DIXDC1: variants seen among roughly 807,000 people sequenced by gnomAD.
DIXDC1 encodes DIX domain containing 1.
DIXDC1 carries 64 observed loss-of-function variants against 103.1 expected under a neutral mutation model. The ratio of observed to expected loss-of-function variants is 0.62; its 90% CI spans 0.51 to 0.76. The LOEUF (loss-of-function observed/expected upper bound fraction) is 0.76, where lower values mean the gene tolerates loss of function less well. Ranked by LOEUF, DIXDC1 falls within the 30% of genes least tolerant of loss-of-function variation. The probability of loss-of-function intolerance (pLI) is 0.00; values close to 1 mark genes in which losing one functional copy is unlikely to be tolerated. For missense variants in DIXDC1, 759 were observed against 834.2 expected (o/e 0.91, Z 1.11); for synonymous variants, 266 against 298.5 (o/e 0.89, Z 1.12).
intron 17 of DIXDC1, among the ~76,000 whole-genome samples, chr11:112,010,195 C>T (rs1331503684): frequency 6.6e-6 from 1 of 152,130 alleles, no homozygotes; most frequent in Non-Finnish European, 1.5e-5. Flanking sequence ...AGTGAACTCC[C>T]AATCACAATT....
rs587717803 is a variant in DIXDC1 at position 112,020,290 on chromosome 11, A to C, written c.*1254A>C. ...ATATATGTATTACCAAAAGCAGTCT[A>C]TCTGCCTGTGACCTCCAATGTACAC... On this transcript the variant is annotated 3_prime_UTR_variant, in exon 20 of 20. Coordinates refer to ENST00000440460, the MANE Select transcript of DIXDC1 (RefSeq NM_001037954.4). The C allele has an allele frequency of 2.0e-5, 3 of 152,780 alleles. No homozygotes were observed. Among genetic ancestry groups the C allele is most frequent in the Non-Finnish European group, 2.9e-5 (2 of 68,046 alleles). 9.5% of individuals were successfully genotyped at this position (152,780 alleles called of 1,614,324 possible).
chr11:112,017,700 C>T lies in DIXDC1; in HGVS notation c.1863-77C>T. ...TCTGCTTATTGACTTTGGCAGGGGGCTGTGTTTAAAGTTAACATCTTATCT... is the reference window on the plus strand; with the variant it reads ...TCTGCTTATTGACTTTGGCAGGGGGTTGTGTTTAAAGTTAACATCTTATCT... On this transcript the variant is annotated intron_variant, in intron 18 of 19. Transcript: ENST00000440460. This position sits in a 1 kb window ranked among gnomAD's most constrained non-coding sequence, Gnocchi z 4.0. The T allele has an allele frequency of 8.2e-7, 1 of 1,225,648 alleles. No homozygotes were observed. The highest frequency in any genetic ancestry group is 1.2e-6 in the Non-Finnish European group (1 of 863,298). 75.9% of individuals were successfully genotyped at this position (1,225,648 alleles called of 1,614,324 possible). A position where few individuals can be genotyped will look rare whatever the true frequency, so the allele number is the denominator to read the frequency against.
At chr11:112,008,923 A>G (rs1861323742) in intron 17 of DIXDC1, among the ~76,000 whole-genome samples, 1 of 152,222 alleles carries the variant, frequency 6.6e-6, no homozygotes, top group Non-Finnish European at 1.5e-5. Context: ...AAAGAAATTC[A>G]AACGCTAGCA....
intron 2 of DIXDC1, among the ~76,000 whole-genome samples, chr11:111,968,099 G>A (rs2137518602): frequency 6.6e-6 from 1 of 152,236 alleles, no homozygotes; most frequent in Admixed American, 6.5e-5. Context: ...AGCACTTATC[G>A]CTACTATGAA....
At position 111,974,246 on chromosome 11, in the gene DIXDC1, T is replaced by C. The variant is rs1173041701; in HGVS notation, c.540T>C (p.Tyr180=). 6.8e-6 allele frequency: 11 copies of C among 1,612,456 alleles called. No individual in the cohort carries two copies. The highest frequency in any genetic ancestry group is 1.3e-5 in the African/African-American group (1 of 74,856). ...GATCAGGACGGGATGTCTTTCGATA[T>C]AGACAGAGGTAAGGGTAGAAATCTG... ...MSRSGRDVFR[Y]RQRNSSMDEE... is the part of the protein sequence containing the mutation. The change falls in exon 4 of 20, where the codon TAT becomes TAC. Residue 180 remains tyrosine, a synonymous_variant. Transcript: ENST00000440460.
chr11:111,947,684 A>G lies in DIXDC1; in HGVS notation c.60+10125A>G, dbSNP rs78042392. Reference sequence around the variant, plus strand: ...AGGCAGCAGCCTAAAGAAGGATAGTATAACCCTTCACCTGTGGATAAGACT... The same window carrying G: ...AGGCAGCAGCCTAAAGAAGGATAGTGTAACCCTTCACCTGTGGATAAGACT... On this transcript the variant is annotated intron_variant, in intron 1 of 19. Transcript: ENST00000440460. Among the ~76,000 whole-genome samples the G allele has an allele frequency of 6.8e-3, 1,042 of 152,364 alleles. 5 individuals are homozygous for G. The highest frequency in any genetic ancestry group is 0.051 in the Middle Eastern group (15 of 294).
At chr11:111,978,821 C>T (rs620183) in intron 5 of DIXDC1, among the ~76,000 whole-genome samples, 7,665 of 152,248 alleles carry the variant, frequency 0.05, 661 homozygotes, top group African/African-American at 0.17. Context: ...TCTTGCAGGC[C>T]GCTTTCTACA....
intron 5 of DIXDC1, among the ~76,000 whole-genome samples, chr11:111,979,818 A>G (rs1381562719): frequency 1.3e-5 from 2 of 152,098 alleles, no homozygotes; most frequent in African/African-American, 4.8e-5. Flanking sequence ...TTAGCTTGGC[A>G]TCATATGCAC....
chr11:111,962,714 G>A (rs983075705), intron 1 of DIXDC1, among the ~76,000 whole-genome samples: 14 of 152,180 alleles, frequency 9.2e-5, no homozygotes, highest in Non-Finnish European at 2.1e-4. Context: ...AATGTGTGGA[G>A]GGTGGGTTGA....
chr11:111,979,594 C>A (rs782761499), intron 5 of DIXDC1, among the ~76,000 whole-genome samples: 1 of 152,158 alleles, frequency 6.6e-6, no homozygotes, highest in African/African-American at 2.4e-5. Context: ...TGTAGATTTG[C>A]TGTTTTTTTG....
chr11:112,012,122 C>T (rs987421309), intron 17 of DIXDC1, among the ~76,000 whole-genome samples: 1 of 152,134 alleles, frequency 6.6e-6, no homozygotes, highest in Non-Finnish European at 1.5e-5. Context: ...GTTAAGATGG[C>T]CTATTCTTCC....
At chr11:111,975,065 C>G in intron 5 of DIXDC1, 82 bp downstream of exon 5, 1 of 1,543,114 alleles carries the variant, frequency 6.5e-7, no homozygotes, top group South Asian at 1.2e-5. Flanking sequence ...AGCAAAAAGG[C>G]ACCTAAGCCC....
chr11:111,989,813 G>A (rs1860636030), intron 10 of DIXDC1, among the ~76,000 whole-genome samples: 6 of 149,812 alleles, frequency 4.0e-5, no homozygotes. Context: ...TTTTGAAACG[G>A]AGTCTCGCTC....
chr11:111,967,165 G>C (rs1211221617), intron 2 of DIXDC1, among the ~76,000 whole-genome samples: 1 of 151,952 alleles, frequency 6.6e-6, no homozygotes, highest in Non-Finnish European at 1.5e-5. Context: ...TCCCAAATTT[G>C]TATCTTTAGG....
chr11:112,007,099 G>A (rs1461459869), intron 17 of DIXDC1, among the ~76,000 whole-genome samples: 4 of 152,206 alleles, frequency 2.6e-5, no homozygotes, highest in African/African-American at 9.6e-5. Flanking sequence ...AAACAGTGTA[G>A]AGAAGACCTT....
At chr11:111,981,727 C>T (rs993572742) in intron 6 of DIXDC1, among the ~76,000 whole-genome samples, 6 of 152,190 alleles carry the variant, frequency 3.9e-5, no homozygotes, top group African/African-American at 1.4e-4. Flanking sequence ...TTCTAGAATG[C>T]ATTTTAAATG....
Position 112,017,825 on chromosome 11 carries a change from A to G in DIXDC1, c.1911A>G (p.Glu637=). 6.2e-7 allele frequency: 1 copy of G among 1,612,012 alleles called. No individual in the cohort carries two copies. The highest frequency in any genetic ancestry group is 8.5e-7 in the Non-Finnish European group (1 of 1,178,900). Residue 637 remains glutamate (E), a synonymous_variant, in exon 19 of 20, where the codon GAA becomes GAG. Transcript: ENST00000440460. This position sits in a 1 kb window ranked among gnomAD's most constrained non-coding sequence, Gnocchi z 4.0. ...LKDFKAAIDR[E]GNHRYHFKAL... ...ATTTTAAAGCAGCTATTGATCGGGA[A>G]GGAAATCACCGGTATCACTTCAAAG...
chr11:111,997,372 G>A (rs1249960651), intron 17 of DIXDC1, among the ~76,000 whole-genome samples: 1 of 151,088 alleles, frequency 6.6e-6, no homozygotes, highest in Non-Finnish European at 1.5e-5. Flanking sequence ...TTTCACTCTT[G>A]TTGCCCAGGC....
intron 17 of DIXDC1, among the ~76,000 whole-genome samples, chr11:112,006,024 T>C (rs1861226381): frequency 6.6e-6 from 1 of 152,140 alleles, no homozygotes; most frequent in Admixed American, 6.6e-5. Context: ...GATTTCCCTT[T>C]CCTAGACAAA....
Sources: allele counts gnomAD v4.1 joint callset (sites outside exome capture counted in the v4.1 genomes callset), GRCh38; gene constraint gnomAD v4.1.1; non-coding constraint Gnocchi (gnomAD v3.1); transcripts MANE v1.5; gene names NCBI Gene and HGNC (gene_info 2026-07-23, HGNC 2026-07-21).